Variants in GSE1 observed in about 807,000 individuals in gnomAD.
GSE1 encodes the protein genetic suppressor element 1.
In GSE1, 32 loss-of-function variants were observed where a neutral mutation model predicts 112.6. The ratio of observed to expected loss-of-function variants is 0.28; its 90% CI spans 0.21 to 0.38. GSE1 has a LOEUF of 0.38. GSE1 is among the 10% of genes least tolerant of loss of function. The pLI is 1.00. For synonymous variants in GSE1, 1,115 were observed against 735.6 expected (o/e 1.52, Z -8.35); for missense variants, 2,348 against 1,699.2 (o/e 1.38, Z -6.71).
chr16:85,646,616 G>A, intron 2 of GSE1, among the ~76,000 whole-genome samples: 1 of 152,214 alleles, frequency 6.6e-6, no homozygotes, highest in East Asian at 1.9e-4. Flanking sequence ...GCCTGTGTCA[G>A]GGAAGGGGGC....
intron 2 of GSE1, among the ~76,000 whole-genome samples, chr16:85,533,258 A>AG: frequency 1.3e-5 from 2 of 152,044 alleles, no homozygotes; most frequent in East Asian, 3.9e-4. Flanking sequence ...AAAAAAAAAA[A>AG]AAAATACAAA....
intron 1 of GSE1, among the ~76,000 whole-genome samples, chr16:85,233,972 T>C (rs532996440): frequency 6.6e-6 from 1 of 152,194 alleles, no homozygotes; most frequent in African/African-American, 2.4e-5. Flanking sequence ...TCCTCAAACC[T>C]GAATGGGCCC....
chr16:85,275,658 G>C (rs540246603), intron 1 of GSE1, among the ~76,000 whole-genome samples: 2 of 152,226 alleles, frequency 1.3e-5, no homozygotes, highest in South Asian at 2.1e-4. Flanking sequence ...CCTAGACGTG[G>C]GGAGGCAGTC....
intron 1 of GSE1, chr16:85,595,575 C>A (rs2047185515): frequency 6.6e-6 from 1 of 152,198 alleles, no homozygotes; most frequent in Non-Finnish European, 1.5e-5. Context: ...GGACACGTTC[C>A]ATGTGGTTGG....
chr16:85,427,849 TA>T (rs2049028938), intron 2 of GSE1, among the ~76,000 whole-genome samples: 1 of 152,160 alleles, frequency 6.6e-6, no homozygotes, highest in Non-Finnish European at 1.5e-5. Context: ...AATAAATAAA[TA>T]ATATGTTTTA....
intron 1 of GSE1, among the ~76,000 whole-genome samples, chr16:85,625,922 C>G (rs1222498605): frequency 1.3e-5 from 2 of 152,150 alleles, no homozygotes; most frequent in African/African-American, 4.8e-5. Context: ...GCTCTTTCCT[C>G]CTGGGGTAGG....
chr16:85,375,165 C>T (rs1052160753), intron 2 of GSE1, among the ~76,000 whole-genome samples: 1 of 152,158 alleles, frequency 6.6e-6, no homozygotes, highest in South Asian at 2.1e-4. Flanking sequence ...ACACCCAGCT[C>T]AGGCTGTGCG....
At chr16:85,297,567 A>G (rs1244810440) in intron 1 of GSE1, among the ~76,000 whole-genome samples, 1 of 152,116 alleles carries the variant, frequency 6.6e-6, no homozygotes, top group African/African-American at 2.4e-5. Flanking sequence ...TGGTGTGATC[A>G]TGGCTCACTG....
At chr16:85,272,735 CTTGT>C (rs71151275) in intron 1 of GSE1, among the ~76,000 whole-genome samples, 47,396 of 149,098 alleles carry the variant, frequency 0.32, 11,006 homozygotes, top group African/African-American at 0.66. Flanking sequence ...CTACTTCTTG[CTTGT>C]TTGCTTGCTT....
At chr16:85,402,640 G>A (rs959594255) in intron 2 of GSE1, among the ~76,000 whole-genome samples, 1 of 152,216 alleles carries the variant, frequency 6.6e-6, no homozygotes, top group Non-Finnish European at 1.5e-5. Flanking sequence ...ATTGCCCCAA[G>A]GCCAGGCATG....
intron 1 of GSE1, among the ~76,000 whole-genome samples, chr16:85,217,724 C>T (rs1442839497): frequency 6.6e-6 from 1 of 152,112 alleles, no homozygotes; most frequent in East Asian, 1.9e-4. Context: ...AGCCGAACAG[C>T]CCAGCGGACT....
intron 1 of GSE1, among the ~76,000 whole-genome samples, chr16:85,175,236 C>G (rs971824968): frequency 6.6e-6 from 1 of 152,182 alleles, no homozygotes; most frequent in African/African-American, 2.4e-5. Context: ...CAGAGAGCAC[C>G]ATGCTCTGCA....
intron 2 of GSE1, among the ~76,000 whole-genome samples, chr16:85,477,941 A>G (rs2050512109): frequency 6.6e-6 from 1 of 152,086 alleles, no homozygotes; most frequent in Non-Finnish European, 1.5e-5. Context: ...GTACAGGCCC[A>G]TGGTGTTGAG....
intron 2 of GSE1, among the ~76,000 whole-genome samples, chr16:85,392,867 G>A (rs1212265643): frequency 6.6e-6 from 1 of 152,238 alleles, no homozygotes; most frequent in African/African-American, 2.4e-5. Flanking sequence ...CCCCGAATGT[G>A]CGGGGATGCC....
intron 2 of GSE1, among the ~76,000 whole-genome samples, chr16:85,429,392 G>A (rs1027415171): frequency 2.0e-5 from 3 of 152,226 alleles, no homozygotes; most frequent in Non-Finnish European, 4.4e-5. Flanking sequence ...CTGCTGCCCC[G>A]AAACATCCTC....
exon 1 of GSE1, chr16:85,171,511 G>T (rs747926206): frequency 1.9e-4 from 190 of 985,478 alleles, no homozygotes; most frequent in Non-Finnish European, 2.2e-4. Flanking sequence ...GCAGCATGAG[G>T]CCCGCAGCTC....
At chr16:85,623,310 G>C (rs2048857965) in intron 1 of GSE1, among the ~76,000 whole-genome samples, 1 of 151,708 alleles carries the variant, frequency 6.6e-6, no homozygotes, top group African/African-American at 2.4e-5. Flanking sequence ...AACCTCCTGG[G>C]CTCAAGCGAT....
chr16:85,660,823 G>T (rs1332496850), intron 8 of GSE1, among the ~76,000 whole-genome samples: 2 of 152,000 alleles, frequency 1.3e-5, no homozygotes, highest in African/African-American at 4.8e-5. Context: ...GTAGAGATGG[G>T]GTTTCACCAT....
At chr16:85,272,327 C>T (rs956257515) in intron 1 of GSE1, among the ~76,000 whole-genome samples, 1 of 152,208 alleles carries the variant, frequency 6.6e-6, no homozygotes. Context: ...GCAGAGGTGT[C>T]GGGGCCTTTG....
Sources: gnomAD v4.1 joint callset for allele counts (sites outside exome capture counted in the v4.1 genomes callset) on GRCh38, gnomAD v4.1.1 for gene constraint, MANE v1.5 for transcripts, NCBI Gene and HGNC (gene_info 2026-07-23, HGNC 2026-07-21) for gene names.